Variants in PPIP5K1 observed in about 807,000 individuals in gnomAD.
PPIP5K1 encodes the protein diphosphoinositol pentakisphosphate kinase 1, also known as inositol hexakisphosphate and diphosphoinositol-pentakisphosphate kinase 1.
In PPIP5K1, 6 loss-of-function variants were observed where a neutral mutation model predicts 27.7. That is an observed-to-expected ratio of 0.22 (90% CI 0.12 to 0.43). The LOEUF is 0.43. Ranked by LOEUF, PPIP5K1 falls within the 20% of genes least tolerant of loss-of-function variation. The pLI is 1.00. For missense variants in PPIP5K1, 394 were observed against 635.4 expected (o/e 0.62, Z 4.08); for synonymous variants, 145 against 242.6 (o/e 0.60, Z 3.74).
intron 30 of PPIP5K1, among the ~76,000 whole-genome samples, chr15:43,543,792 G>GTA (rs2081054620): frequency 1.5e-5 from 2 of 136,148 alleles, no homozygotes; most frequent in South Asian, 2.3e-4. Context: ...ACTCTGTAAT[G>GTA]CATATATATA....
At chr15:43,546,367 G>A (rs534124567) in intron 30 of PPIP5K1, among the ~76,000 whole-genome samples, 1 of 152,284 alleles carries the variant, frequency 6.6e-6, no homozygotes, top group Admixed American at 6.5e-5. Flanking sequence ...TGTGATCGTA[G>A]CTCACTGTAA....
intron 30 of PPIP5K1, among the ~76,000 whole-genome samples, chr15:43,556,839 G>A (rs761040991): frequency 6.6e-6 from 1 of 152,138 alleles, no homozygotes; most frequent in Non-Finnish European, 1.5e-5. Flanking sequence ...GGCAGGGTGG[G>A]GCAAGAGTGA....
chr15:43,580,664 A>C (rs2141379240), intron 10 of PPIP5K1, among the ~76,000 whole-genome samples: 1 of 100,424 alleles, frequency 1.0e-5, no homozygotes, highest in South Asian at 3.1e-4. Flanking sequence ...GCACTATCTC[A>C]GCTCACTGCA....
intron 29 of PPIP5K1, among the ~76,000 whole-genome samples, 158 bp from the exon 30 acceptor site, chr15:43,559,090 C>G (rs1241557647): frequency 3.9e-5 from 6 of 152,060 alleles, no homozygotes; most frequent in Non-Finnish European, 8.8e-5. Flanking sequence ...TCTTTAGAGC[C>G]CCTAGGGAGT....
At chr15:43,550,962 G>T (rs1179283292) in intron 30 of PPIP5K1, among the ~76,000 whole-genome samples, 1 of 152,048 alleles carries the variant, frequency 6.6e-6, no homozygotes, top group East Asian at 1.9e-4. Context: ...CATCAGCCCT[G>T]GTGTATAATT....
chr15:43,562,453 CT>C (rs2083917915), intron 28 of PPIP5K1, among the ~76,000 whole-genome samples: 1 of 14,034 alleles, frequency 7.1e-5, no homozygotes, highest in African/African-American at 7.7e-4. Context: ...CATTTTCCAG[CT>C]CTTTTTTCCT....
At chr15:43,550,237 G>C (rs971099512) in intron 30 of PPIP5K1, among the ~76,000 whole-genome samples, 4 of 151,892 alleles carry the variant, frequency 2.6e-5, no homozygotes, top group African/African-American at 9.7e-5. Flanking sequence ...CTATGCTCAA[G>C]CCATCCTCCT....
chr15:43,545,214 G>A (rs1450446962), intron 30 of PPIP5K1, among the ~76,000 whole-genome samples: 3 of 151,648 alleles, frequency 2.0e-5, no homozygotes, highest in Non-Finnish European at 2.9e-5. Flanking sequence ...TTGGATCAGA[G>A]GTTAACTATA....
intron 31 of PPIP5K1, among the ~76,000 whole-genome samples, 200 bp from the exon 32 acceptor site, chr15:43,535,676 G>C (rs1373364058): frequency 6.6e-6 from 1 of 152,180 alleles, no homozygotes; most frequent in Non-Finnish European, 1.5e-5. Flanking sequence ...TGTATACTTT[G>C]AGAGTAACAA....
intron 30 of PPIP5K1, among the ~76,000 whole-genome samples, chr15:43,556,767 G>A (rs1595850967): frequency 6.6e-6 from 1 of 152,200 alleles, no homozygotes; most frequent in East Asian, 1.9e-4. Context: ...CTGGAACCAG[G>A]AACCAGGGTC....
intron 30 of PPIP5K1, among the ~76,000 whole-genome samples, chr15:43,557,178 G>A (rs1426900439): frequency 6.6e-6 from 1 of 152,152 alleles, no homozygotes; most frequent in Non-Finnish European, 1.5e-5. Context: ...GGGTGTGGTG[G>A]CTCACACCTG....
rs1429329444 is a variant in PPIP5K1, at chr15:43,536,212, A to G, written c.3671-736T>C. On this transcript the variant is annotated intron_variant, in intron 31 of 31. Coordinates refer to ENST00000420765, the MANE Select transcript of PPIP5K1 (RefSeq NM_001394395.1). ...GGCAGGCAGATCACTTGAGGTCAGG[A>G]GCTCTAAACCAGCCTGGCCAACATG... 8 of 607,588 alleles carry G rather than the reference A, an allele frequency of 1.3e-5. No homozygotes were observed. In the African/African-American group the frequency reaches 1.4e-4, roughly 11 times the overall value. The allele number at this position is 607,588 out of a possible 1,614,324, so 37.6% of individuals were successfully genotyped here.
rs758861787 is a variant in PPIP5K1, at chr15:43,535,238, T to G, written c.3909A>C (p.Glu1303Asp). 27 of 1,614,052 alleles carry G rather than the reference T, an allele frequency of 1.7e-5. No homozygotes were observed. The highest frequency in any genetic ancestry group is 4.2e-6 in the Non-Finnish European group (5 of 1,180,018). ...PNQSPQVPPM[E>D]TSQPYEEVSQ... ...TGACCTCCTCGTATGGCTGGCTGGT[T>G]TCCATAGGTGGCACCTGTGGGGACT... is the stretch of plus-strand genomic sequence containing the variant. Residue 1303 changes from glutamate to aspartate, a missense_variant, in exon 32 of 32, where the codon GAA becomes GAC. Physicochemically the swap from Glu to Asp is conservative, Grantham distance 45 (BLOSUM62 2). Around this residue, in one of 4 missense-constraint regions of PPIP5K1, gnomAD observed 379 missense variants for 423.9 expected, o/e 0.89. Coordinates refer to ENST00000420765, the MANE Select transcript of PPIP5K1 (RefSeq NM_001394395.1).
In PPIP5K1 at chr15:43,534,423, C is replaced by G. The variant is rs753392299; in HGVS notation, c.*251G>C. On this transcript the variant is annotated 3_prime_UTR_variant, in exon 32 of 32. Coordinates refer to ENST00000420765, the MANE Select transcript of PPIP5K1 (RefSeq NM_001394395.1). ...ACAGGTATGCTTCATACAAAGAGAACTACTTCCCCAGACACCGCTGGTGAG... is the reference window on the plus strand; with the variant it reads ...ACAGGTATGCTTCATACAAAGAGAAGTACTTCCCCAGACACCGCTGGTGAG... The G allele has an allele frequency of 8.6e-5, 32 of 371,398 alleles. No homozygotes were observed. Among genetic ancestry groups the G allele is most frequent in the African/African-American group, 1.2e-4 (6 of 48,058 alleles). 23.0% of individuals were successfully genotyped at this position (371,398 alleles called of 1,614,324 possible).
At chr15:43,543,997 T>C (rs1467526667) in intron 30 of PPIP5K1, among the ~76,000 whole-genome samples, 3 of 152,062 alleles carry the variant, frequency 2.0e-5, no homozygotes, top group African/African-American at 7.2e-5. Context: ...TATTTTGATA[T>C]ACAGTTAGGG....
intron 30 of PPIP5K1, among the ~76,000 whole-genome samples, chr15:43,543,380 C>A (rs139994392): frequency 6.7e-6 from 1 of 150,308 alleles, no homozygotes; most frequent in African/African-American, 2.4e-5. Flanking sequence ...CAAACCTGCA[C>A]GTTGTACACA....
Position 43,535,455 on chromosome 15 carries a change from G to A in PPIP5K1, c.3692C>T (p.Thr1231Ile), listed in dbSNP as rs959836840. The A allele has an allele frequency of 1.3e-6, 2 of 1,578,028 alleles. No homozygotes were observed. The highest frequency in any genetic ancestry group is 1.2e-5 in the South Asian group (1 of 84,512). ...GGAAGAAGGACCAGCACTGGACACA[G>A]TGCTAGAAGGGCCACTGCTGTCTGT... ...PPWYSSGPSSTVSSAGPSSPT... is the reference protein window; with the variant it reads ...PPWYSSGPSSIVSSAGPSSPT... Residue 1231 changes from threonine (T) to isoleucine (I), a missense_variant, in exon 32 of 32, where the codon ACT becomes ATT. Thr to Ile is a moderately conservative substitution (Grantham distance 89, BLOSUM62 -1). Transcript: ENST00000420765.
chr15:43,536,361 G>A, intron 31 of PPIP5K1: 1 of 221,138 alleles, frequency 4.5e-6, no homozygotes, highest in South Asian at 4.9e-5. Flanking sequence ...GGAGGTTGCA[G>A]TGAGCCGAAA....
chr15:43,552,509 T>C (rs1376246045), intron 30 of PPIP5K1, among the ~76,000 whole-genome samples: 2 of 129,840 alleles, frequency 1.5e-5, no homozygotes, highest in South Asian at 2.3e-4. Context: ...CTGGGCAACA[T>C]GGTGAAACTC....
Sources: allele counts gnomAD v4.1 joint callset (sites outside exome capture counted in the v4.1 genomes callset), GRCh38; gene constraint gnomAD v4.1.1; regional missense constraint gnomAD v4.1.1; transcripts MANE v1.5; gene names NCBI Gene and HGNC (gene_info 2026-07-23, HGNC 2026-07-21).